PRKG2: variants seen among roughly 807,000 people sequenced by gnomAD.
The protein encoded by PRKG2 is protein kinase cGMP-dependent 2, also known as cGMP-dependent protein kinase 2.
PRKG2 carries 33 observed loss-of-function variants against 97.2 expected under a neutral mutation model. That is an observed-to-expected ratio of 0.34 (90% confidence interval 0.26 to 0.45). The LOEUF (loss-of-function observed/expected upper bound fraction) is 0.45, where lower values mean the gene tolerates loss of function less well. Among genes scored for constraint, PRKG2 ranks in the 20% least tolerant of loss-of-function variants. PRKG2 has a pLI of 1.00. For synonymous variants in PRKG2, 330 were observed against 321.8 expected (o/e 1.03, Z -0.27); for missense variants, 638 against 900.0 (o/e 0.71, Z 3.73).
At position 81,173,080 on chromosome 4, in the gene PRKG2, T is replaced by C. The variant is rs114489964; in HGVS notation, c.629-1276A>G. On this transcript the variant is annotated intron_variant, in intron 3 of 18. Coordinates refer to ENST00000264399, the MANE Select transcript of PRKG2 (RefSeq NM_006259.3). The stretch of plus-strand genomic sequence containing the variant: ...TTTTTATCTTGAAATTGGTTATGGC[T>C]CATTGTGCCTGAGCAATGCTGAAGA... Among the ~76,000 whole-genome samples, 1,163 of 152,282 alleles carry C rather than the reference T, an allele frequency of 7.6e-3. 13 individuals are homozygous for C. Among genetic ancestry groups the C allele is most frequent in the African/African-American group, 0.026 (1,091 of 41,562 alleles).
intron 14 of PRKG2, among the ~76,000 whole-genome samples, chr4:81,122,288 CTCT>C (rs1745136050): frequency 6.6e-6 from 1 of 152,134 alleles, no homozygotes; most frequent in Non-Finnish European, 1.5e-5. Context: ...CCTTCATCAG[CTCT>C]TCTTGGCCTG....
intron 14 of PRKG2, among the ~76,000 whole-genome samples, chr4:81,128,363 A>G (rs1249297841): frequency 6.6e-6 from 1 of 152,092 alleles, no homozygotes; most frequent in Non-Finnish European, 1.5e-5. Context: ...GTTAGGGAGG[A>G]GTTCCTCTTT....
chr4:81,188,946 C>A (rs368983755), intron 2 of PRKG2, among the ~76,000 whole-genome samples: 1 of 77,102 alleles, frequency 1.3e-5, no homozygotes, highest in Non-Finnish European at 2.0e-5. Context: ...GTGGGTGCAG[C>A]GCACCAGCAT....
intron 3 of PRKG2, 151 bp downstream of exon 3, chr4:81,174,642 A>C (rs1278984817): frequency 1.4e-6 from 1 of 724,690 alleles, no homozygotes; most frequent in East Asian, 2.7e-5. Context: ...TACCATCATC[A>C]TGATTAGATC....
chr4:81,157,180 T>C (rs1749177430), intron 6 of PRKG2, among the ~76,000 whole-genome samples: 1 of 151,776 alleles, frequency 6.6e-6, no homozygotes, highest in Non-Finnish European at 1.5e-5. Context: ...GATAGACCAC[T>C]AGCAAGATTA....
intron 13 of PRKG2, among the ~76,000 whole-genome samples, chr4:81,136,126 G>A (rs769240787): frequency 1.2e-4 from 18 of 152,094 alleles, no homozygotes; most frequent in Non-Finnish European, 2.4e-4. Flanking sequence ...AGACGCTAAT[G>A]CATTTGCAGG....
chr4:81,141,312 A>G lies in PRKG2; in HGVS notation c.1408-643T>C, dbSNP rs532275786. 7.2e-5 allele frequency among the ~76,000 whole-genome samples: 11 copies of G among 152,340 alleles called. No individual in the cohort carries two copies. In the South Asian group the frequency reaches 2.3e-3, roughly 32 times the overall value. On this transcript the variant is annotated intron_variant, in intron 11 of 18. Transcript: ENST00000264399. ...AAGCATGAGCCACCGCACCCAGCCT[A>G]AGCTCTATATCTGTACCATCCAATA...
chr4:81,111,110 G>C (rs558972409), intron 14 of PRKG2, among the ~76,000 whole-genome samples: 6 of 152,092 alleles, frequency 3.9e-5, no homozygotes, highest in East Asian at 3.9e-4. Flanking sequence ...TGCTGAGAAG[G>C]GGGGCTTAAT....
chr4:81,147,815 T>A (rs750427254), intron 9 of PRKG2, among the ~76,000 whole-genome samples: 2 of 152,154 alleles, frequency 1.3e-5, no homozygotes, highest in Non-Finnish European at 2.9e-5. Flanking sequence ...ATTTCAGGCA[T>A]GTTAGCCTTA....
At chr4:81,141,400 C>T (rs1371832110) in intron 11 of PRKG2, among the ~76,000 whole-genome samples, 3 of 152,048 alleles carry the variant, frequency 2.0e-5, no homozygotes, top group Non-Finnish European at 4.4e-5. Flanking sequence ...AAATTCAGTT[C>T]CTGAGTTATA....
chr4:81,217,031 G>GTATATATATATATATA (rs35897460), upstream of PRKG2, among the ~76,000 whole-genome samples: 171 of 115,252 alleles, frequency 1.5e-3, 3 homozygotes, highest in East Asian at 4.5e-3. Flanking sequence ...TATATATTTT[G>GTATATATATATATATA]TATATATATA....
At chr4:81,129,493 C>A (rs1745944941) in intron 14 of PRKG2, among the ~76,000 whole-genome samples, 1 of 152,126 alleles carries the variant, frequency 6.6e-6, no homozygotes, top group South Asian at 2.1e-4. Context: ...TCTGTAAGAA[C>A]TTGCTTTATG....
intron 17 of PRKG2, among the ~76,000 whole-genome samples, chr4:81,096,482 G>A (rs1016877377): frequency 2.0e-5 from 3 of 152,132 alleles, no homozygotes; most frequent in African/African-American, 7.2e-5. Context: ...GCTGCAGTAA[G>A]CCCTAATCAC....
At chr4:81,175,478 T>C (rs1240702507) in intron 2 of PRKG2, 2 of 152,152 alleles carry the variant, frequency 1.3e-5, no homozygotes, top group Non-Finnish European at 2.9e-5. Flanking sequence ...AGCAACTAAT[T>C]TTTCATGGGA....
chr4:81,147,704 A>T (rs994953559), intron 9 of PRKG2, among the ~76,000 whole-genome samples: 6 of 152,130 alleles, frequency 3.9e-5, no homozygotes, highest in African/African-American at 1.2e-4. Flanking sequence ...CAACACAGGG[A>T]GCACTGCTGG....
At chr4:81,203,951 T>C (rs529135547) in intron 2 of PRKG2, among the ~76,000 whole-genome samples, 1 of 152,162 alleles carries the variant, frequency 6.6e-6, no homozygotes, top group Non-Finnish European at 1.5e-5. Flanking sequence ...TTCCCTTCAC[T>C]CCAGATACCA....
rs1395422824 is a variant in PRKG2, at chr4:81,110,580, G to A, written c.1808C>T (p.Ser603Phe). The A allele has an allele frequency of 1.2e-6, 2 of 1,613,670 alleles. No individual in the cohort carries two copies. Among genetic ancestry groups the A allele is most frequent in the Non-Finnish European group, 1.7e-6 (2 of 1,179,918 alleles). ...VDFGFAKKIG[S>F]GQKTWTFCGT... ...ACAGAATGTCCATGTTTTCTGTCCA[G>A]ACCCTATTTTCTTCGCAAATCCAAA... The change falls in exon 15 of 19, where the codon TCT becomes TTT. Residue 603 changes from serine to phenylalanine, a missense_variant. Around this residue, in one of 3 missense-constraint regions of PRKG2, gnomAD observed 304 missense variants for 460.5 expected, o/e 0.66. Transcript: ENST00000264399.
intron 2 of PRKG2, among the ~76,000 whole-genome samples, chr4:81,203,512 A>G (rs1314743862): frequency 2.0e-5 from 3 of 152,166 alleles, no homozygotes; most frequent in Non-Finnish European, 4.4e-5. Flanking sequence ...GAATGTTAAA[A>G]TTTGTTTTAA....
intron 2 of PRKG2, among the ~76,000 whole-genome samples, chr4:81,186,163 A>G (rs947491384): frequency 3.3e-5 from 5 of 152,200 alleles, no homozygotes; most frequent in Non-Finnish European, 5.9e-5. Flanking sequence ...AATCAACAGA[A>G]TATACATTCT....
Sources: allele counts gnomAD v4.1 joint callset (sites outside exome capture counted in the v4.1 genomes callset), GRCh38; gene constraint gnomAD v4.1.1; regional missense constraint gnomAD v4.1.1; transcripts MANE v1.5; gene names NCBI Gene and HGNC (gene_info 2026-07-23, HGNC 2026-07-21).